The following PDE7A variants were observed in gnomAD, a reference collection of about 807,000 sequenced individuals.
PDE7A encodes phosphodiesterase 7A.
In PDE7A, 39 loss-of-function variants were observed where a neutral mutation model predicts 64.3. That is an observed-to-expected ratio of 0.61 (90% CI 0.47 to 0.79). The LOEUF is 0.79. Ranked by LOEUF, PDE7A falls within the 30% of genes least tolerant of loss-of-function variation. The probability of loss-of-function intolerance (pLI) is 0.00; values close to 1 mark genes in which losing one functional copy is unlikely to be tolerated. For synonymous variants in PDE7A, 203 were observed against 206.8 expected (o/e 0.98, Z 0.16); for missense variants, 470 against 582.8 (o/e 0.81, Z 1.99).
chr8:65,794,154 T>G (rs1341549073), intron 1 of PDE7A, among the ~76,000 whole-genome samples: 1 of 152,134 alleles, frequency 6.6e-6, no homozygotes, highest in Non-Finnish European at 1.5e-5. Context: ...CACTCACAAC[T>G]CTGTGAAATG....
At chr8:65,810,717 A>G (rs1003884269) in intron 1 of PDE7A, among the ~76,000 whole-genome samples, 1 of 152,174 alleles carries the variant, frequency 6.6e-6, no homozygotes, top group Non-Finnish European at 1.5e-5. Flanking sequence ...ACCCAAAATC[A>G]TGTGAATAAA....
In PDE7A at chr8:65,842,004, T is replaced by C. The variant is rs1262990146; in HGVS notation, c.-496A>G. 4 of 240,790 alleles carry C rather than the reference T, an allele frequency of 1.7e-5. No homozygotes were observed. Among genetic ancestry groups the C allele is most frequent in the East Asian group, 3.3e-4 (2 of 6,128 alleles). 14.9% of individuals were successfully genotyped at this position (240,790 alleles called of 1,614,324 possible). On this transcript the variant is annotated 5_prime_UTR_variant, in exon 1 of 13. Transcript: ENST00000401827. ...GCCGCCGCCGCCGCCGGAGTCCTGCTCCTCCCCTCCCCCGGAGCCTGACTT... is the reference window on the plus strand; with the variant it reads ...GCCGCCGCCGCCGCCGGAGTCCTGCCCCTCCCCTCCCCCGGAGCCTGACTT...
chr8:65,752,226 C>T (rs1375215943), intron 3 of PDE7A, among the ~76,000 whole-genome samples: 2 of 152,092 alleles, frequency 1.3e-5, no homozygotes, highest in Non-Finnish European at 2.9e-5. Flanking sequence ...ACTCTTATCT[C>T]TACTTTCATT....
At chr8:65,767,969 G>C (rs961584844) in intron 3 of PDE7A, among the ~76,000 whole-genome samples, 1 of 152,130 alleles carries the variant, frequency 6.6e-6, no homozygotes, top group Admixed American at 6.5e-5. Flanking sequence ...CTGGGTTTTG[G>C]GGGCTGGGAG....
chr8:65,748,394 T>C (rs539240306), intron 3 of PDE7A, among the ~76,000 whole-genome samples: 1 of 152,314 alleles, frequency 6.6e-6, no homozygotes, highest in South Asian at 2.1e-4. Flanking sequence ...TAAGGTGATA[T>C]GCTCTAGAAA....
At chr8:65,829,168 G>A (rs1246923360) in intron 1 of PDE7A, among the ~76,000 whole-genome samples, 1 of 152,008 alleles carries the variant, frequency 6.6e-6, no homozygotes, top group Non-Finnish European at 1.5e-5. Context: ...GAGTGAGCTC[G>A]CTGTATGTTA....
chr8:65,755,732 G>A (rs1173589459), intron 3 of PDE7A, among the ~76,000 whole-genome samples: 1 of 152,002 alleles, frequency 6.6e-6, no homozygotes, highest in African/African-American at 2.4e-5. Flanking sequence ...TCCTCTTATG[G>A]CTTTAGGTAA....
chr8:65,821,246 G>A (rs896491131), intron 1 of PDE7A, among the ~76,000 whole-genome samples: 9 of 151,838 alleles, frequency 5.9e-5, no homozygotes. Context: ...AATGCAAGGA[G>A]ATATGAGAAC....
Position 65,755,536 on chromosome 8 carries a change from T to G in PDE7A, c.284-7733A>C, listed in dbSNP as rs1388999337. ...CACTGCTCGTATGCATCTCCAATCC[T>G]CCTCCTTCCTATTGTTATTATCACA... On this transcript the variant is annotated intron_variant, in intron 3 of 12. Transcript: ENST00000401827. Among the ~76,000 whole-genome samples the G allele has an allele frequency of 5.3e-5, 8 of 152,208 alleles. No individual in the cohort carries two copies. The East Asian group carries it at 1.3e-3, about 26-fold the overall frequency.
At chr8:65,835,632 G>T (rs1208837986) in intron 1 of PDE7A, among the ~76,000 whole-genome samples, 1 of 152,198 alleles carries the variant, frequency 6.6e-6, no homozygotes, top group Non-Finnish European at 1.5e-5. Context: ...GAGAAGAGTT[G>T]AAAATTGCCT....
At chr8:65,746,849 T>C (rs1179981421) in intron 4 of PDE7A, among the ~76,000 whole-genome samples, 2 of 152,176 alleles carry the variant, frequency 1.3e-5, no homozygotes, top group South Asian at 2.1e-4. Context: ...TTCACTTTCA[T>C]GTAATTGTAA....
chr8:65,835,210 ATGAAT>A (rs1240578486), intron 1 of PDE7A, among the ~76,000 whole-genome samples: 1 of 152,242 alleles, frequency 6.6e-6, no homozygotes, highest in African/African-American at 2.4e-5. Context: ...AAGATTCAAA[ATGAAT>A]TGGAGTTTTT....
intron 3 of PDE7A, among the ~76,000 whole-genome samples, chr8:65,753,646 G>T (rs1443932157): frequency 6.6e-6 from 1 of 152,138 alleles, no homozygotes; most frequent in Non-Finnish European, 1.5e-5. Context: ...CCTCTAACTG[G>T]ATTATAGTGT....
At position 65,810,289 on chromosome 8, in the gene PDE7A, T is replaced by C. The variant is rs185417223; in HGVS notation, c.139-27446A>G. Among the ~76,000 whole-genome samples the C allele has an allele frequency of 2.1e-4, 31 of 150,802 alleles. 3 individuals are homozygous for C. The highest frequency in any genetic ancestry group is 1.3e-3 in the Admixed American group (20 of 14,828). The stretch of plus-strand genomic sequence containing the variant: ...GCATGTTCTCACTCATAGGTGGGAA[T>C]TGAACAATGAGAACACTTGGACACA... On this transcript the variant is annotated intron_variant, in intron 1 of 12. Coordinates refer to ENST00000401827, the MANE Select transcript of PDE7A (RefSeq NM_001242318.3).
intron 1 of PDE7A, among the ~76,000 whole-genome samples, chr8:65,823,348 T>C (rs1810587695): frequency 6.6e-6 from 1 of 152,194 alleles, no homozygotes; most frequent in Non-Finnish European, 1.5e-5. Context: ...AGGTAATCTA[T>C]GTTCTGCTTT....
intron 5 of PDE7A, among the ~76,000 whole-genome samples, chr8:65,744,948 C>T (rs1463342097): frequency 6.6e-6 from 1 of 152,138 alleles, no homozygotes. Flanking sequence ...GCTGTGTCCC[C>T]AGCCAAATCT....
At chr8:65,834,815 T>A (rs2128935104) in intron 1 of PDE7A, among the ~76,000 whole-genome samples, 1 of 152,278 alleles carries the variant, frequency 6.6e-6, no homozygotes, top group Admixed American at 6.5e-5. Flanking sequence ...TGCTTCAGTG[T>A]CAACCATACA....
intron 3 of PDE7A, among the ~76,000 whole-genome samples, chr8:65,772,350 AG>A: frequency 6.6e-6 from 1 of 152,344 alleles, no homozygotes. Flanking sequence ...ATTCTATACA[AG>A]GTAGAGGGCA....
intron 1 of PDE7A, among the ~76,000 whole-genome samples, chr8:65,816,383 G>T (rs1271448424): frequency 6.6e-6 from 1 of 152,138 alleles, no homozygotes; most frequent in Non-Finnish European, 1.5e-5. Flanking sequence ...TTTTAAAGAA[G>T]AGATGAGAAA....
Sources: gnomAD v4.1 joint callset for allele counts (sites outside exome capture counted in the v4.1 genomes callset) on GRCh38, gnomAD v4.1.1 for gene constraint, MANE v1.5 for transcripts, NCBI Gene and HGNC (gene_info 2026-07-23, HGNC 2026-07-21) for gene names.